The following NAV1 variants were observed in gnomAD, a reference collection of about 807,000 sequenced individuals.
NAV1 encodes neuron navigator 1, also known as pore membrane and/or filament interacting like protein 3.
NAV1 carries 18 observed loss-of-function variants against 175.2 expected under a neutral mutation model. The ratio of observed to expected loss-of-function variants is 0.10; its 90% CI spans 0.07 to 0.15. The LOEUF is 0.15. Among genes scored for constraint, NAV1 ranks in the 10% least tolerant of loss-of-function variants. The probability of loss-of-function intolerance (pLI) is 1.00; values close to 1 mark genes in which losing one functional copy is unlikely to be tolerated. For synonymous variants in NAV1, 897 were observed against 978.7 expected (o/e 0.92, Z 1.56); for missense variants, 1,731 against 2,436.6 (o/e 0.71, Z 6.10).
At chr1:201,614,077 G>T (rs1197503816) in intron 2 of NAV1, among the ~76,000 whole-genome samples, 2 of 151,380 alleles carry the variant, frequency 1.3e-5, no homozygotes, top group Non-Finnish European at 2.9e-5. Context: ...GGGAGAGGGG[G>T]TGGTTCTGGC....
Position 201,788,482 on chromosome 1 carries a change from G to A in NAV1, c.3010G>A (p.Ala1004Thr). Reference sequence around the variant, plus strand: ...TGTCCTTCCAGTGAGTCCCACTGCGGCCACCACGCCAAGAATCACCCGCTC... The same window carrying A: ...TGTCCTTCCAGTGAGTCCCACTGCGACCACCACGCCAAGAATCACCCGCTC... The change falls in exon 10 of 30, where the codon GCC becomes ACC. Residue 1004 changes from alanine (A) to threonine (T), a missense_variant. By Grantham distance (58) the Ala-to-Thr change is moderately conservative. This residue lies in a region of NAV1 where 634 missense variants were observed against 766.8 expected (regional missense o/e 0.83). Coordinates refer to ENST00000367296, the Ensembl canonical transcript of NAV1. This position sits in a 1 kb window ranked among gnomAD's most constrained non-coding sequence, Gnocchi z 5.7. 4 of 1,613,896 alleles carry A rather than the reference G, an allele frequency of 2.5e-6. No homozygotes were observed. The highest frequency in any genetic ancestry group is 3.4e-6 in the Non-Finnish European group (4 of 1,179,954).
intron 3 of NAV1, among the ~76,000 whole-genome samples, chr1:201,754,928 T>G: frequency 6.6e-6 from 1 of 152,242 alleles, no homozygotes; most frequent in East Asian, 1.9e-4. Flanking sequence ...GGAATTATGC[T>G]ACAATGTTAA....
At chr1:201,690,213 G>A (rs867733163) in intron 1 of NAV1, among the ~76,000 whole-genome samples, 34 of 128,480 alleles carry the variant, frequency 2.6e-4, no homozygotes, top group African/African-American at 7.3e-4. Flanking sequence ...TGGCCTGTCC[G>A]TGGCAGAGTA....
intron 3 of NAV1, among the ~76,000 whole-genome samples, chr1:201,736,324 G>C (rs1331227735): frequency 6.6e-6 from 1 of 152,140 alleles, no homozygotes; most frequent in Non-Finnish European, 1.5e-5. Context: ...AGGTGACCCT[G>C]GAACCCAGAA....
chr1:201,620,453 C>CTTTTTTTTTTTTTTTTT, upstream of NAV1, among the ~76,000 whole-genome samples: 1 of 94,552 alleles, frequency 1.1e-5, no homozygotes, highest in Non-Finnish European at 1.9e-5. Flanking sequence ...GACATATACT[C>CTTTTTTTTTTTTTTTTT]TTTTTTTTTT....
chr1:201,556,996 C>A (rs1163239419), intron 1 of NAV1, among the ~76,000 whole-genome samples: 1 of 152,126 alleles, frequency 6.6e-6, no homozygotes, highest in Non-Finnish European at 1.5e-5. Flanking sequence ...TCCCGGGAAC[C>A]CTGACTCCAT....
At position 201,559,756 on chromosome 1, in the gene NAV1, A is replaced by G. The variant is rs368902376; in HGVS notation, c.-144+20414A>G. 2.4e-4 allele frequency among the ~76,000 whole-genome samples: 37 copies of G among 152,318 alleles called. No individual in the cohort carries two copies. In the East Asian group the frequency reaches 6.6e-3, roughly 27 times the overall value. ...AATAGGTGCTTAATAAAGGCGGTGT[A>G]GAGGGATTCTGGGAAGGAGGAAGAA... is the stretch of plus-strand genomic sequence containing the variant. On this transcript the variant is annotated intron_variant, in intron 1 of 33. Coordinates refer to the NAV1 transcript ENST00000685211.
At chr1:201,679,954 T>G (rs551898756) in intron 1 of NAV1, among the ~76,000 whole-genome samples, 1 of 152,166 alleles carries the variant, frequency 6.6e-6, no homozygotes, top group Non-Finnish European at 1.5e-5. Flanking sequence ...CTCATGGGAG[T>G]GTTTATCTTA....
chr1:201,575,142 A>G (rs1666659591), intron 1 of NAV1, among the ~76,000 whole-genome samples: 2 of 152,118 alleles, frequency 1.3e-5, no homozygotes, highest in Admixed American at 1.3e-4. Context: ...CTTTGTTCTG[A>G]TGTGTTTCTA....
intron 1 of NAV1, among the ~76,000 whole-genome samples, chr1:201,672,495 G>T (rs1670079835): frequency 6.6e-6 from 1 of 152,112 alleles, no homozygotes; most frequent in Admixed American, 6.5e-5. Flanking sequence ...GCCCTGTTCT[G>T]GGTGCTTTAT....
chr1:201,810,171 C>T lies in NAV1; in HGVS notation c.4561+66C>T. On this transcript the variant is annotated intron_variant, in intron 23 of 29. Coordinates refer to ENST00000367296, the Ensembl canonical transcript of NAV1. The surrounding 1 kb of genome is among the most constrained non-coding windows in gnomAD (Gnocchi z 6.0). The stretch of plus-strand genomic sequence containing the variant: ...GGCAGGGACAGGATCATCAAATAAT[C>T]CATCATGCATTCATTCACCAAGAAC... 2 of 1,571,778 alleles carry T rather than the reference C, an allele frequency of 1.3e-6. No individual in the cohort carries two copies. The highest frequency in any genetic ancestry group is 2.3e-5 in the South Asian group (2 of 87,332).
intron 1 of NAV1, among the ~76,000 whole-genome samples, chr1:201,668,627 A>G (rs1669918115): frequency 6.6e-6 from 1 of 152,078 alleles, no homozygotes; most frequent in South Asian, 2.1e-4. Flanking sequence ...GCGTGGGTCG[A>G]TGCAGCCCCC....
chr1:201,699,042 C>T (rs1347419633), intron 1 of NAV1, among the ~76,000 whole-genome samples: 1 of 152,188 alleles, frequency 6.6e-6, no homozygotes, highest in Non-Finnish European at 1.5e-5. Flanking sequence ...GACAGGGATG[C>T]CCTCTCTCAC....
intron 1 of NAV1, among the ~76,000 whole-genome samples, chr1:201,674,307 G>A (rs1670159050): frequency 6.6e-6 from 1 of 152,110 alleles, no homozygotes; most frequent in East Asian, 1.9e-4. Flanking sequence ...GAGGAAGGGT[G>A]GTGGGGGATG....
intron 1 of NAV1, among the ~76,000 whole-genome samples, chr1:201,555,593 G>C (rs866532272): frequency 6.6e-6 from 1 of 152,080 alleles, no homozygotes; most frequent in African/African-American, 2.4e-5. Context: ...CTCTTCTCCT[G>C]GTGGCCGGGA....
chr1:201,800,025 G>A lies in NAV1; in HGVS notation c.3518-3568G>A, dbSNP rs111481350. Among the ~76,000 whole-genome samples, 1,040 of 151,188 alleles carry A rather than the reference G, an allele frequency of 6.9e-3. 19 individuals carry two copies. The highest frequency in any genetic ancestry group is 0.024 in the African/African-American group (1,008 of 41,216). The stretch of plus-strand genomic sequence containing the variant: ...TTTATTTATTTATTTTTTGAGAGAG[G>A]GTATCACTCTGTTGCCCAGGCTGGA... On this transcript the variant is annotated intron_variant, in intron 15 of 29. Coordinates refer to ENST00000367296, the Ensembl canonical transcript of NAV1.
chr1:201,731,885 C>G (rs1672873217), intron 3 of NAV1, among the ~76,000 whole-genome samples: 1 of 152,206 alleles, frequency 6.6e-6, no homozygotes, highest in African/African-American at 2.4e-5. Flanking sequence ...TTCCAAGCCA[C>G]AGCGAGCCTC....
chr1:201,591,720 C>G (rs573652409), intron 2 of NAV1, among the ~76,000 whole-genome samples: 1 of 152,286 alleles, frequency 6.6e-6, no homozygotes, highest in Non-Finnish European at 1.5e-5. Flanking sequence ...GCTTGCATCT[C>G]CCTCTCAAGA....
At chr1:201,624,809 T>C (rs944095673) in intron 1 of NAV1, among the ~76,000 whole-genome samples, 2 of 152,190 alleles carry the variant, frequency 1.3e-5, no homozygotes, top group African/African-American at 4.8e-5. Flanking sequence ...CCTATGCTAA[T>C]GGAAGGAGAA....
Sources: allele counts gnomAD v4.1 joint callset (sites outside exome capture counted in the v4.1 genomes callset), GRCh38; gene constraint gnomAD v4.1.1; regional missense constraint gnomAD v4.1.1; non-coding constraint Gnocchi (gnomAD v3.1); transcripts MANE v1.5; gene names NCBI Gene and HGNC (gene_info 2026-07-23, HGNC 2026-07-21).